Variants in NREP observed in about 807,000 individuals in gnomAD.
NREP encodes the protein neuronal regeneration-related protein.
Under a neutral mutation model 8.6 loss-of-function variants are expected in NREP, and 5 were observed. The observed-to-expected ratio is 0.58, with a 90% CI of 0.30 to 1.22. NREP has a LOEUF of 1.22. Ranked by LOEUF, NREP falls within the 50% of genes most tolerant of loss-of-function variation. The probability of loss-of-function intolerance (pLI) is 0.07; values close to 1 mark genes in which losing one functional copy is unlikely to be tolerated. For missense variants in NREP, 86 were observed against 82.5 expected (o/e 1.04, Z -0.17); for synonymous variants, 27 against 28.0 (o/e 0.96, Z 0.11).
chr5:111,756,367 C>T lies in NREP; in HGVS notation c.-58-537G>A, dbSNP rs1750712432. The T allele has an allele frequency of 2.4e-5, 13 of 543,700 alleles. 1 individual carries two copies. The South Asian group carries it at 1.0e-3, about 43-fold the overall frequency. 33.7% of individuals were successfully genotyped at this position (543,700 alleles called of 1,614,324 possible). A position where few individuals can be genotyped will look rare whatever the true frequency, so the allele number is the denominator to read the frequency against. On this transcript the variant is annotated intron_variant, in intron 1 of 3. Coordinates refer to ENST00000257435, the MANE Select transcript of NREP (RefSeq NM_004772.4). ...CAGGAATATACACCATTCTGTCCTT[C>T]TCCCTAAACCAAATAAACATTAATG... is the stretch of plus-strand genomic sequence containing the variant.
intron 3 of NREP, chr5:111,732,336 A>C (rs1387432652): frequency 6.6e-6 from 1 of 152,114 alleles, no homozygotes; most frequent in East Asian, 1.9e-4. Context: ...AGTCTTACTT[A>C]CTGTACAGAT....
At chr5:111,850,272 G>A (rs139441096) in intron 2 of NREP, among the ~76,000 whole-genome samples, 36 of 151,880 alleles carry the variant, frequency 2.4e-4, no homozygotes, top group East Asian at 7.7e-4. Context: ...TCTTTTTCCC[G>A]TTGTGGGTGT....
At chr5:111,926,778 C>G (rs550282315) in intron 2 of NREP, among the ~76,000 whole-genome samples, 128 of 151,986 alleles carry the variant, frequency 8.4e-4, no homozygotes, top group Non-Finnish European at 1.4e-3. Flanking sequence ...TAGAGGAAGA[C>G]AGTGGGGGCT....
At chr5:111,767,903 G>C (rs1434440142) in intron 2 of NREP, among the ~76,000 whole-genome samples, 1 of 152,060 alleles carries the variant, frequency 6.6e-6, no homozygotes, top group East Asian at 1.9e-4. Context: ...GGGCTCAAGT[G>C]ATCCTCCTGC....
At chr5:111,785,161 C>A (rs529605651) in intron 2 of NREP, among the ~76,000 whole-genome samples, 2 of 152,194 alleles carry the variant, frequency 1.3e-5, no homozygotes, top group Non-Finnish European at 2.9e-5. Flanking sequence ...TCATTTCTTC[C>A]TTTAGCATAG....
At chr5:111,951,803 T>G (rs912943191) in intron 2 of NREP, among the ~76,000 whole-genome samples, 1 of 152,086 alleles carries the variant, frequency 6.6e-6, no homozygotes, top group African/African-American at 2.4e-5. Context: ...GTGGTTTCAT[T>G]TTAAATATCC....
chr5:111,824,001 T>A (rs1377151744), intron 2 of NREP, among the ~76,000 whole-genome samples: 1 of 152,204 alleles, frequency 6.6e-6, no homozygotes. Flanking sequence ...GTTCACAGAT[T>A]AATGAAATTA....
chr5:111,796,245 C>T (rs1751870685), intron 2 of NREP, among the ~76,000 whole-genome samples: 1 of 152,172 alleles, frequency 6.6e-6, no homozygotes, highest in Non-Finnish European at 1.5e-5. Context: ...TCGCCTCTAG[C>T]TCCTGTCCTC....
intron 2 of NREP, among the ~76,000 whole-genome samples, chr5:111,900,604 A>G (rs1581203124): frequency 1.3e-5 from 2 of 152,142 alleles, no homozygotes; most frequent in South Asian, 2.1e-4. Context: ...ACAGAAATAC[A>G]AAAGATCACC....
At chr5:111,763,553 C>T (rs872623) in intron 2 of NREP, among the ~76,000 whole-genome samples, 65,400 of 152,004 alleles carry the variant, frequency 0.43, 14,237 homozygotes, top group Admixed American at 0.48. Flanking sequence ...AAGAGATAAA[C>T]GAAAGGAATG....
chr5:111,820,513 T>C (rs1644659496), intron 2 of NREP, among the ~76,000 whole-genome samples: 1 of 151,944 alleles, frequency 6.6e-6, no homozygotes, highest in African/African-American at 2.4e-5. Flanking sequence ...AATTTCAAGA[T>C]AATGATAACC....
At chr5:111,810,587 T>A (rs926544505) in intron 2 of NREP, among the ~76,000 whole-genome samples, 2 of 152,210 alleles carry the variant, frequency 1.3e-5, no homozygotes, top group Non-Finnish European at 2.9e-5. Context: ...CATAAAGCAG[T>A]AAAGTACAAT....
At chr5:111,973,917 A>C (rs536256852) in intron 2 of NREP, among the ~76,000 whole-genome samples, 2 of 152,318 alleles carry the variant, frequency 1.3e-5, no homozygotes, top group South Asian at 4.1e-4. Context: ...AATTTGTTGT[A>C]AAGCATTTTG....
intron 2 of NREP, among the ~76,000 whole-genome samples, chr5:111,889,897 G>C (rs771409860): frequency 6.6e-6 from 1 of 152,156 alleles, no homozygotes; most frequent in Non-Finnish European, 1.5e-5. Context: ...GGGTTACAAG[G>C]TGCTCAGTGG....
At chr5:111,951,578 GTCAACT>G (rs1756161191) in intron 2 of NREP, among the ~76,000 whole-genome samples, 1 of 152,124 alleles carries the variant, frequency 6.6e-6, no homozygotes, top group East Asian at 1.9e-4. Flanking sequence ...GAAAAAGTTT[GTCAACT>G]TCTACTTTAG....
rs116001735 is a variant in NREP, at chr5:111,948,585, T to A, written c.135+26689A>T. Among the ~76,000 whole-genome samples the A allele has an allele frequency of 1.8e-4, 27 of 152,220 alleles. No homozygotes were observed. The Middle Eastern group carries it at 0.01, about 58-fold the overall frequency. On this transcript the variant is annotated intron_variant, in intron 2 of 3. Transcript: ENST00000395634. ...AAAACAAGAGCCCCTCCCTGACAAC[T>A]GTGCCTAACGGCCATGCAAAAGTGA...
At chr5:111,776,599 T>C (rs1469434033) in intron 2 of NREP, among the ~76,000 whole-genome samples, 1 of 152,110 alleles carries the variant, frequency 6.6e-6, no homozygotes, top group Non-Finnish European at 1.5e-5. Context: ...TAAATAGTCG[T>C]CGATTCATAC....
intron 2 of NREP, among the ~76,000 whole-genome samples, chr5:111,972,609 C>A (rs1463578597): frequency 3.9e-5 from 6 of 152,192 alleles, no homozygotes; most frequent in African/African-American, 1.4e-4. Flanking sequence ...AAGGGATGGG[C>A]TCCCAAGATG....
intron 2 of NREP, among the ~76,000 whole-genome samples, chr5:111,816,831 C>A (rs1037792842): frequency 6.6e-6 from 1 of 151,334 alleles, no homozygotes; most frequent in Non-Finnish European, 1.5e-5. Context: ...TCTAACACTG[C>A]AGACTATATA....
Sources: allele counts gnomAD v4.1 joint callset (sites outside exome capture counted in the v4.1 genomes callset), GRCh38; gene constraint gnomAD v4.1.1; transcripts MANE v1.5; gene names NCBI Gene and HGNC (gene_info 2026-07-23, HGNC 2026-07-21).